SMIM3: variants seen among roughly 807,000 people sequenced by gnomAD.
SMIM3 encodes small integral membrane protein 3.
In SMIM3, 4 loss-of-function variants were observed where a neutral mutation model predicts 2.1. The observed-to-expected ratio is 1.89, with a 90% CI of 0.93 to 4.31. The LOEUF is 4.31. SMIM3 is among the 30% of genes most tolerant of loss of function. The pLI, the probability that SMIM3 is intolerant of heterozygous loss-of-function variation, is 0.01. For missense variants in SMIM3, 79 were observed against 77.7 expected (o/e 1.02, Z -0.06); for synonymous variants, 29 against 30.8 (o/e 0.94, Z 0.19).
chr5:150,794,796 T>A (rs1370568983), intron 1 of SMIM3, among the ~76,000 whole-genome samples: 1 of 152,206 alleles, frequency 6.6e-6, no homozygotes, highest in African/African-American at 2.4e-5. Context: ...TTCCATTTAT[T>A]AAGTAGTTAG....
Position 150,795,592 on chromosome 5 carries a change from G to A in SMIM3, c.152G>A (p.Arg51Gln), listed in dbSNP as rs745884586. The change falls in exon 2 of 2, where the codon CGG (arginine) becomes CAG (glutamine). Residue 51 changes from arginine to glutamine, a missense_variant. By Grantham distance (43) the Arg-to-Gln change is conservative. Transcript: ENST00000526627. ...PATAVIIYRMRTHPILSGAV is the reference protein window; with the variant it reads ...PATAVIIYRMQTHPILSGAV ...ACTGCAGTAATCATCTATCGCATGC[G>A]GACTCATCCGATCCTTAGTGGGGCT... 7.0e-6 allele frequency: 11 copies of A among 1,568,774 alleles called. No individual in the cohort carries two copies. The highest frequency in any genetic ancestry group is 2.3e-5 in the East Asian group (1 of 43,004).
chr5:150,785,609 G>T (rs1753283901), intron 1 of SMIM3, among the ~76,000 whole-genome samples: 2 of 126,542 alleles, frequency 1.6e-5, no homozygotes, highest in South Asian at 2.5e-4. Flanking sequence ...TTGAAATGGA[G>T]TCTCACTCTG....
intron 1 of SMIM3, among the ~76,000 whole-genome samples, chr5:150,779,358 C>A (rs1164322939): frequency 6.6e-6 from 1 of 152,118 alleles, no homozygotes; most frequent in Non-Finnish European, 1.5e-5. Context: ...CAGGGTTCAG[C>A]GCCCGGGCCT....
At chr5:150,785,635 C>T (rs1322417583) in intron 1 of SMIM3, among the ~76,000 whole-genome samples, 2 of 132,992 alleles carry the variant, frequency 1.5e-5, no homozygotes, top group Non-Finnish European at 3.1e-5. Flanking sequence ...CAGGCTGGAG[C>T]GCAGTGGTGC....
At chr5:150,787,611 T>C (rs940288910) in intron 1 of SMIM3, among the ~76,000 whole-genome samples, 1 of 152,208 alleles carries the variant, frequency 6.6e-6, no homozygotes, top group Non-Finnish European at 1.5e-5. Context: ...CACTTAGCTT[T>C]ATGATCAATG....
intron 1 of SMIM3, among the ~76,000 whole-genome samples, chr5:150,783,755 G>A (rs997587354): frequency 6.6e-6 from 1 of 152,142 alleles, no homozygotes; most frequent in African/African-American, 2.4e-5. Context: ...GTTGCAGCTC[G>A]GATGTGGAGG....
chr5:150,791,213 T>C (rs1753345960), intron 1 of SMIM3, among the ~76,000 whole-genome samples: 1 of 152,206 alleles, frequency 6.6e-6, no homozygotes, highest in African/African-American at 2.4e-5. Flanking sequence ...CTACAAAATC[T>C]GAACCAAAGG....
intron 1 of SMIM3, among the ~76,000 whole-genome samples, chr5:150,780,955 A>G (rs542334077): frequency 6.6e-6 from 1 of 152,332 alleles, no homozygotes; most frequent in East Asian, 1.9e-4. Context: ...GAATGATGTT[A>G]TAATGATCAT....
chr5:150,782,311 A>G (rs1186839874), intron 1 of SMIM3, among the ~76,000 whole-genome samples: 4 of 152,192 alleles, frequency 2.6e-5, no homozygotes, highest in Non-Finnish European at 5.9e-5. Context: ...AAATACTTCC[A>G]AGAGTAAATG....
chr5:150,779,455 G>T (rs1454506782), intron 1 of SMIM3, among the ~76,000 whole-genome samples: 1 of 152,170 alleles, frequency 6.6e-6, no homozygotes, highest in African/African-American at 2.4e-5. Flanking sequence ...AAGGCGCCAG[G>T]AGTTTGGAGT....
chr5:150,780,513 C>G (rs764828034), intron 1 of SMIM3, among the ~76,000 whole-genome samples: 2 of 152,298 alleles, frequency 1.3e-5, no homozygotes, highest in Non-Finnish European at 2.9e-5. Flanking sequence ...CACAAGTGAC[C>G]TCTCCGAACC....
intron 1 of SMIM3, among the ~76,000 whole-genome samples, chr5:150,789,934 T>G (rs1012947891): frequency 6.6e-6 from 1 of 152,174 alleles, no homozygotes; most frequent in African/African-American, 2.4e-5. Flanking sequence ...AGCCTTACTT[T>G]AGCTGTTGGG....
intron 1 of SMIM3, among the ~76,000 whole-genome samples, chr5:150,785,587 T>C (rs1009105633): frequency 9.4e-6 from 1 of 106,660 alleles, no homozygotes; most frequent in Non-Finnish European, 1.7e-5. Flanking sequence ...TTTCTTTTTT[T>C]TTTTTTTTTT....
intron 1 of SMIM3, among the ~76,000 whole-genome samples, chr5:150,780,338 C>A (rs528416790): frequency 6.6e-6 from 1 of 152,074 alleles, no homozygotes; most frequent in African/African-American, 2.4e-5. Flanking sequence ...TCTAGACACA[C>A]GCAAAGCAGC....
chr5:150,789,550 G>A (rs1482075542), intron 1 of SMIM3, among the ~76,000 whole-genome samples: 1 of 152,094 alleles, frequency 6.6e-6, no homozygotes, highest in Non-Finnish European at 1.5e-5. Context: ...CTCTGGAAGG[G>A]CCCTTGGAGA....
intron 1 of SMIM3, among the ~76,000 whole-genome samples, chr5:150,783,876 T>A (rs1348887890): frequency 1.3e-5 from 2 of 151,634 alleles, no homozygotes; most frequent in African/African-American, 4.9e-5. Context: ...CACGAAGCAG[T>A]CACGGCACCC....
chr5:150,779,074 A>G (rs1753204934), intron 1 of SMIM3, 102 bp downstream of exon 1: 4 of 448,754 alleles, frequency 8.9e-6, no homozygotes, highest in East Asian at 7.0e-5. Flanking sequence ...CGGGCTCCCA[A>G]CGTTCTTCTT....
intron 1 of SMIM3, among the ~76,000 whole-genome samples, chr5:150,792,293 GC>G (rs2113206789): frequency 6.6e-6 from 1 of 152,336 alleles, no homozygotes; most frequent in African/African-American, 2.4e-5. Flanking sequence ...CCAGCCTTGT[GC>G]CCTCTGGGCA....
At chr5:150,783,364 A>C (rs1328676465) in intron 1 of SMIM3, among the ~76,000 whole-genome samples, 1 of 152,216 alleles carries the variant, frequency 6.6e-6, no homozygotes, top group Non-Finnish European at 1.5e-5. Context: ...TATAAGGTGG[A>C]CAATGCTGGC....
Sources: allele counts gnomAD v4.1 joint callset (sites outside exome capture counted in the v4.1 genomes callset), GRCh38; gene constraint gnomAD v4.1.1; transcripts MANE v1.5; gene names NCBI Gene and HGNC (gene_info 2026-07-23, HGNC 2026-07-21).